PRICKLE2: variants seen among roughly 807,000 people sequenced by gnomAD.
PRICKLE2 encodes the protein prickle planar cell polarity protein 2.
A neutral mutation model predicts 81.4 loss-of-function variants in PRICKLE2; 21 were observed. The ratio of observed to expected loss-of-function variants is 0.26; its 90% CI spans 0.18 to 0.37. PRICKLE2 has a LOEUF of 0.37. Among genes scored for constraint, PRICKLE2 ranks in the 10% least tolerant of loss-of-function variants. The pLI is 1.00. For synonymous variants in PRICKLE2, 456 were observed against 421.5 expected, an observed-to-expected ratio of 1.08 and a Z score of -1.00; for missense variants, 940 against 1,109.0, an observed-to-expected ratio of 0.85 and a Z score of 2.16.
chr3:64,166,830 G>A (rs116649731), intron 2 of PRICKLE2, among the ~76,000 whole-genome samples: 1 of 152,146 alleles, frequency 6.6e-6, no homozygotes, highest in Non-Finnish European at 1.5e-5. Flanking sequence ...AATCCTCTTC[G>A]AAGTCCATTG....
chr3:64,246,419 A>AC (rs2079355201), intron 2 of PRICKLE2, among the ~76,000 whole-genome samples: 1 of 152,128 alleles, frequency 6.6e-6, no homozygotes, highest in Admixed American at 6.6e-5. Flanking sequence ...AACCTATAGC[A>AC]CCCCCACAAC....
chr3:64,178,785 C>G (rs945593090), intron 2 of PRICKLE2, among the ~76,000 whole-genome samples: 9 of 152,096 alleles, frequency 5.9e-5, no homozygotes, highest in African/African-American at 2.2e-4. Flanking sequence ...CCTCTGGTCC[C>G]AACATTTTCG....
chr3:64,195,462 T>A (rs993067777), intron 2 of PRICKLE2, among the ~76,000 whole-genome samples: 1 of 152,140 alleles, frequency 6.6e-6, no homozygotes, highest in Non-Finnish European at 1.5e-5. Context: ...AAATGAAAGG[T>A]TTCTAACAAA....
intron 7 of PRICKLE2, chr3:64,103,079 CTTTTT>C (rs906815385): frequency 6.6e-6 from 1 of 152,098 alleles, no homozygotes; most frequent in Non-Finnish European, 1.5e-5. Context: ...ATTTTTATAA[CTTTTT>C]TTAAGTCTGA....
intron 2 of PRICKLE2, among the ~76,000 whole-genome samples, chr3:64,191,228 T>C (rs1316314908): frequency 1.3e-5 from 2 of 152,234 alleles, no homozygotes; most frequent in South Asian, 2.1e-4. Context: ...CATCTCCACG[T>C]AACCTCCCTC....
intron 2 of PRICKLE2, among the ~76,000 whole-genome samples, chr3:64,241,298 C>T (rs1186877754): frequency 6.6e-6 from 1 of 152,196 alleles, no homozygotes; most frequent in African/African-American, 2.4e-5. Context: ...CTGACTGATA[C>T]AGCCCTCTTT....
At chr3:64,204,370 G>A (rs769304061) in intron 1 of PRICKLE2, among the ~76,000 whole-genome samples, 9 of 152,046 alleles carry the variant, frequency 5.9e-5, no homozygotes, top group Non-Finnish European at 1.3e-4. Context: ...CACTTCCCAC[G>A]GAAGAAAACA....
At chr3:64,158,370 T>C (rs1328537676) in intron 4 of PRICKLE2, among the ~76,000 whole-genome samples, 2 of 152,214 alleles carry the variant, frequency 1.3e-5, no homozygotes, top group African/African-American at 2.4e-5. Context: ...AAGAAAGGCA[T>C]CATGTTATCC....
chr3:64,159,129 G>A (rs1464176835), intron 4 of PRICKLE2, among the ~76,000 whole-genome samples: 2 of 152,150 alleles, frequency 1.3e-5, no homozygotes, highest in African/African-American at 2.4e-5. Flanking sequence ...CAGGAGCAGA[G>A]GAGACAGGAA....
chr3:64,142,912 T>C (rs538796732), intron 7 of PRICKLE2, among the ~76,000 whole-genome samples: 155 of 152,210 alleles, frequency 1.0e-3, no homozygotes, highest in Non-Finnish European at 2.0e-3. Context: ...TTTTGCAGAG[T>C]TTAAGTGACT....
intron 7 of PRICKLE2, among the ~76,000 whole-genome samples, chr3:64,104,232 A>G (rs1258416497): frequency 1.3e-5 from 2 of 152,212 alleles, no homozygotes; most frequent in Non-Finnish European, 2.9e-5. Context: ...AATCACTTCC[A>G]GAGCCTCCCC....
intron 1 of PRICKLE2, among the ~76,000 whole-genome samples, chr3:64,209,885 C>T (rs1424507920): frequency 6.6e-6 from 1 of 152,202 alleles, no homozygotes; most frequent in Non-Finnish European, 1.5e-5. Flanking sequence ...GGGCCTCCCA[C>T]TGAAGTGACA....
chr3:64,237,683 T>C (rs2079202543), intron 2 of PRICKLE2, among the ~76,000 whole-genome samples: 2 of 152,154 alleles, frequency 1.3e-5, no homozygotes, highest in Non-Finnish European at 2.9e-5. Flanking sequence ...GTTCTCACTT[T>C]GGGCCACGCA....
At chr3:64,243,859 T>C (rs779962775) in intron 2 of PRICKLE2, among the ~76,000 whole-genome samples, 1 of 152,174 alleles carries the variant, frequency 6.6e-6, no homozygotes, top group South Asian at 2.1e-4. Flanking sequence ...GAAATATACA[T>C]ATTTGATCAC....
intron 2 of PRICKLE2, among the ~76,000 whole-genome samples, chr3:64,168,247 A>G (rs1241816454): frequency 5.9e-5 from 9 of 152,166 alleles, no homozygotes; most frequent in African/African-American, 1.4e-4. Flanking sequence ...TTCAGAATCA[A>G]TTGTTCTTCA....
intron 2 of PRICKLE2, among the ~76,000 whole-genome samples, chr3:64,242,241 G>C (rs914225805): frequency 5.9e-5 from 9 of 152,130 alleles, no homozygotes; most frequent in African/African-American, 2.2e-4. Flanking sequence ...CTGAAAGAAG[G>C]AAAAGGGCAT....
chr3:64,163,145 C>T lies in PRICKLE2; in HGVS notation c.145-16G>A. 1 of 1,458,382 alleles carries T rather than the reference C, an allele frequency of 6.9e-7. No homozygotes were observed. Among genetic ancestry groups the T allele is most frequent in the Non-Finnish European group, 9.6e-7 (1 of 1,037,930 alleles). The allele number at this position is 1,458,382 out of a possible 1,614,324, so 90.3% of individuals were successfully genotyped here. On this transcript the variant is annotated splice_polypyrimidine_tract_variant and intron_variant, in intron 2 of 7. Coordinates refer to ENST00000638394, the MANE Select transcript of PRICKLE2 (RefSeq NM_198859.4). ...ACTGGTGTACCTGAAGGACAGAAAG[C>T]ATATAGATGACTTGCCCATTACTCA...
intron 2 of PRICKLE2, among the ~76,000 whole-genome samples, chr3:64,180,163 C>A (rs975437926): frequency 1.3e-5 from 2 of 152,204 alleles, no homozygotes; most frequent in Non-Finnish European, 2.9e-5. Context: ...TGGGAACTAA[C>A]TCAGGCTTGG....
intron 2 of PRICKLE2, among the ~76,000 whole-genome samples, chr3:64,179,012 TTTCTTTCTTTCTTTCTTTCTTTC>T (rs1267601609): frequency 6.8e-5 from 10 of 147,926 alleles, no homozygotes; most frequent in African/African-American, 2.3e-4. Context: ...TCTTTCTTTC[TTTCTTTCTTTCTTTCTTTCTTTC>T]TTTTCTTTCC....
Sources: allele counts gnomAD v4.1 joint callset (sites outside exome capture counted in the v4.1 genomes callset), GRCh38; gene constraint gnomAD v4.1.1; transcripts MANE v1.5; gene names NCBI Gene and HGNC (gene_info 2026-07-23, HGNC 2026-07-21).